Variants in LRRC4C observed in about 807,000 individuals in gnomAD.
LRRC4C encodes the protein leucine rich repeat containing 4C, also known as leucine-rich repeat-containing protein 4C.
In LRRC4C, 5 loss-of-function variants were observed where a neutral mutation model predicts 33.6. That is an observed-to-expected ratio of 0.15 (90% CI 0.08 to 0.31). The LOEUF is 0.31. Ranked by LOEUF, LRRC4C falls within the 10% of genes least tolerant of loss-of-function variation. The pLI is 1.00. For synonymous variants in LRRC4C, 329 were observed against 302.0 expected (o/e 1.09, Z -0.93); for missense variants, 560 against 796.7 (o/e 0.70, Z 3.58).
chr11:40,856,313 T>C (rs886727377), intron 2 of LRRC4C, among the ~76,000 whole-genome samples: 3 of 152,248 alleles, frequency 2.0e-5, no homozygotes, highest in Non-Finnish European at 2.9e-5. Flanking sequence ...TTCTGTTAAC[T>C]AGATACAGAT....
chr11:41,215,212 G>A (rs1389085119), intron 1 of LRRC4C, among the ~76,000 whole-genome samples: 1 of 151,586 alleles, frequency 6.6e-6, no homozygotes, highest in Non-Finnish European at 1.5e-5. Context: ...AACTGGCCAG[G>A]AGTAGTGGCT....
intron 1 of LRRC4C, among the ~76,000 whole-genome samples, chr11:41,249,575 C>T (rs1411084748): frequency 6.6e-6 from 1 of 152,066 alleles, no homozygotes; most frequent in African/African-American, 2.4e-5. Flanking sequence ...CAGTACCTCC[C>T]CAGCTTACAC....
chr11:40,141,027 T>C (rs1857327538), intron 5 of LRRC4C, among the ~76,000 whole-genome samples, 174 bp from the exon 6 acceptor site: 1 of 152,172 alleles, frequency 6.6e-6, no homozygotes, highest in Non-Finnish European at 1.5e-5. Context: ...AGCAACTCTC[T>C]TAACTACTGG....
At chr11:40,277,492 G>A (rs1423151484) in intron 4 of LRRC4C, among the ~76,000 whole-genome samples, 1 of 152,096 alleles carries the variant, frequency 6.6e-6, no homozygotes, top group African/African-American at 2.4e-5. Context: ...AAAAAGCGGT[G>A]AGGTTAAGGG....
intron 5 of LRRC4C, among the ~76,000 whole-genome samples, chr11:40,233,456 T>C (rs1407395303): frequency 6.6e-6 from 1 of 152,184 alleles, no homozygotes; most frequent in East Asian, 1.9e-4. Flanking sequence ...ATTCAATAAA[T>C]ACTGTTAATC....
Position 40,362,377 on chromosome 11 carries a change from T to A in LRRC4C, c.-269-42656A>T, listed in dbSNP as rs113953182. ...GCAAATTATACATCTGAGAAAGGTG[T>A]AATATCCAGGATATATGAGAAATGT... On this transcript the variant is annotated intron_variant, in intron 3 of 6. Coordinates refer to ENST00000528697, the MANE Select transcript of LRRC4C (RefSeq NM_001258419.2). Among the ~76,000 whole-genome samples, 590 of 152,172 alleles carry A rather than the reference T, an allele frequency of 3.9e-3. 1 individual carries two copies. Among genetic ancestry groups the A allele is most frequent in the Middle Eastern group, 0.014 (4 of 294 alleles).
intron 3 of LRRC4C, among the ~76,000 whole-genome samples, chr11:40,598,111 C>G (rs540137272): frequency 1.3e-5 from 2 of 152,116 alleles, no homozygotes; most frequent in Non-Finnish European, 2.9e-5. Context: ...ACAGGCCACA[C>G]AAGATATTTA....
intron 2 of LRRC4C, among the ~76,000 whole-genome samples, chr11:40,654,850 A>AGATAATTGAATCATGGTGGTGGTT (rs1343678834): frequency 6.6e-6 from 1 of 152,112 alleles, no homozygotes; most frequent in Non-Finnish European, 1.5e-5. Flanking sequence ...GACCAGGTGG[A>AGATAATTGAATCATGGTGGTGGTT]GATAATTGAA....
chr11:41,154,814 G>A (rs1944154331), intron 1 of LRRC4C, among the ~76,000 whole-genome samples: 1 of 152,070 alleles, frequency 6.6e-6, no homozygotes, highest in Admixed American at 6.6e-5. Context: ...ACATTCCACA[G>A]CTCCAGAAAA....
At chr11:40,232,089 C>T (rs920633735) in intron 5 of LRRC4C, among the ~76,000 whole-genome samples, 2 of 152,152 alleles carry the variant, frequency 1.3e-5, no homozygotes, top group African/African-American at 4.8e-5. Context: ...TCGCTGCAAC[C>T]TCTGCCTCCT....
chr11:40,276,935 G>A (rs1943152240), intron 4 of LRRC4C, among the ~76,000 whole-genome samples: 1 of 152,050 alleles, frequency 6.6e-6, no homozygotes, highest in Non-Finnish European at 1.5e-5. Context: ...ACCTTCATGG[G>A]AAAGGTGGCA....
intron 1 of LRRC4C, among the ~76,000 whole-genome samples, chr11:41,455,351 G>A (rs55971634): frequency 1.4e-3 from 218 of 152,090 alleles, no homozygotes; most frequent in African/African-American, 4.7e-3. Flanking sequence ...TGGATATCCA[G>A]AAAATGAGTT....
intron 1 of LRRC4C, among the ~76,000 whole-genome samples, chr11:41,324,150 G>A (rs11036355): frequency 0.15 from 23,367 of 152,090 alleles, 2,241 homozygotes; most frequent in East Asian, 0.44. Context: ...TTTAGGCAGG[G>A]CGCGGTAGGG....
chr11:40,974,152 TGA>T (rs1455599975), intron 1 of LRRC4C, among the ~76,000 whole-genome samples: 1 of 152,232 alleles, frequency 6.6e-6, no homozygotes, highest in East Asian at 1.9e-4. Context: ...CAGGGTAATT[TGA>T]GAGTCTTTTC....
chr11:40,155,079 T>C (rs1225855881), intron 5 of LRRC4C, among the ~76,000 whole-genome samples: 1 of 152,056 alleles, frequency 6.6e-6, no homozygotes, highest in Non-Finnish European at 1.5e-5. Flanking sequence ...AATAAATACA[T>C]GGAAATTAAA....
At chr11:40,541,837 T>C (rs1956721788) in intron 3 of LRRC4C, among the ~76,000 whole-genome samples, 1 of 152,142 alleles carries the variant, frequency 6.6e-6, no homozygotes, top group Non-Finnish European at 1.5e-5. Flanking sequence ...CCAAGAATGC[T>C]ATGGATAGGA....
intron 1 of LRRC4C, among the ~76,000 whole-genome samples, chr11:40,999,089 T>C (rs754594180): frequency 3.9e-5 from 6 of 152,288 alleles, no homozygotes; most frequent in Admixed American, 2.6e-4. Flanking sequence ...TGCAGATCGA[T>C]GAACACACAG....
chr11:41,116,645 A>G (rs1942143865), intron 1 of LRRC4C, among the ~76,000 whole-genome samples: 1 of 152,140 alleles, frequency 6.6e-6, no homozygotes, highest in Non-Finnish European at 1.5e-5. Context: ...AAGGACTGAG[A>G]TGTTAGACAA....
intron 1 of LRRC4C, among the ~76,000 whole-genome samples, chr11:41,122,116 A>T (rs1409474965): frequency 6.6e-6 from 1 of 152,096 alleles, no homozygotes; most frequent in Non-Finnish European, 1.5e-5. Flanking sequence ...AATATATATA[A>T]AAAAACCTTG....
Sources: gnomAD v4.1 joint callset for allele counts (sites outside exome capture counted in the v4.1 genomes callset) on GRCh38, gnomAD v4.1.1 for gene constraint, MANE v1.5 for transcripts, NCBI Gene and HGNC (gene_info 2026-07-23, HGNC 2026-07-21) for gene names.